Variants in FSTL4 observed in about 807,000 individuals in gnomAD.
FSTL4 encodes the protein follistatin like 4, also known as follistatin-related protein 4.
FSTL4 carries 28 observed loss-of-function variants against 78.2 expected under a neutral mutation model. That is an observed-to-expected ratio of 0.36 (90% CI 0.27 to 0.49). The LOEUF is 0.49. Ranked by LOEUF, FSTL4 falls within the 20% of genes least tolerant of loss-of-function variation. FSTL4 has a pLI of 0.98. For missense variants in FSTL4, 922 were observed against 1,084.9 expected (o/e 0.85, Z 2.11); for synonymous variants, 422 against 440.5 (o/e 0.96, Z 0.53).
chr5:133,253,164 C>T (rs1752301217), intron 6 of FSTL4, among the ~76,000 whole-genome samples: 2 of 152,360 alleles, frequency 1.3e-5, no homozygotes, highest in South Asian at 4.1e-4. Context: ...CACCCTCACT[C>T]CCCGTTATTT....
chr5:133,312,619 G>C, intron 6 of FSTL4, 35 bp downstream of exon 6: 1 of 1,609,518 alleles, frequency 6.2e-7, no homozygotes, highest in Non-Finnish European at 8.5e-7. Flanking sequence ...AGCACCTGCA[G>C]AAATAAGCCC....
At chr5:133,448,339 C>G (rs1016730645) in intron 3 of FSTL4, among the ~76,000 whole-genome samples, 13 of 152,186 alleles carry the variant, frequency 8.5e-5, no homozygotes, top group Non-Finnish European at 1.8e-4. Context: ...AGGCCCAGCA[C>G]CCACACCGTC....
intron 3 of FSTL4, 53 bp downstream of exon 3, chr5:133,567,133 C>T (rs1760042529): frequency 6.8e-6 from 9 of 1,320,296 alleles, no homozygotes; most frequent in South Asian, 1.2e-5. Flanking sequence ...CAGCAAACTA[C>T]TTCAAAAATG....
intron 6 of FSTL4, among the ~76,000 whole-genome samples, chr5:133,305,343 C>T (rs927844606): frequency 2.6e-5 from 4 of 152,190 alleles, no homozygotes; most frequent in Non-Finnish European, 5.9e-5. Context: ...GTTCTGCCTC[C>T]GGGGCCCTAA....
intron 3 of FSTL4, among the ~76,000 whole-genome samples, chr5:133,524,156 G>A (rs1759040803): frequency 6.6e-6 from 1 of 152,184 alleles, no homozygotes; most frequent in African/African-American, 2.4e-5. Context: ...GGGGCAGAAG[G>A]AGGACAGGTC....
chr5:133,816,724 T>C, the FSTL4 span, among the ~76,000 whole-genome samples: 4 of 152,190 alleles, frequency 2.6e-5, no homozygotes, highest in African/African-American at 7.2e-5. Flanking sequence ...TTTGAGGTCA[T>C]TGGCTAATTA....
At chr5:133,569,692 T>A (rs1011930371) in intron 2 of FSTL4, among the ~76,000 whole-genome samples, 15 of 152,182 alleles carry the variant, frequency 9.9e-5, no homozygotes, top group Non-Finnish European at 1.8e-4. Flanking sequence ...ATATGATTTT[T>A]CTCCTTAGTT....
chr5:133,200,045 G>C (rs1177685337), intron 15 of FSTL4, among the ~76,000 whole-genome samples: 1 of 152,188 alleles, frequency 6.6e-6, no homozygotes, highest in Non-Finnish European at 1.5e-5. Flanking sequence ...CTCATCGTTG[G>C]AAATGATTAT....
the FSTL4 span, among the ~76,000 whole-genome samples, chr5:133,670,335 C>T: frequency 2.0e-5 from 3 of 152,218 alleles, no homozygotes; most frequent in African/African-American, 7.2e-5. Context: ...AGAAAACAGG[C>T]TGAGAAAACT....
chr5:133,377,629 A>C (rs1177410608), intron 4 of FSTL4, among the ~76,000 whole-genome samples: 1 of 152,206 alleles, frequency 6.6e-6, no homozygotes, highest in Non-Finnish European at 1.5e-5. Flanking sequence ...ACCAAAAAAA[A>C]AAAATGAACA....
the FSTL4 span, among the ~76,000 whole-genome samples, chr5:133,631,357 T>G: frequency 1.1e-4 from 17 of 150,540 alleles, no homozygotes; most frequent in Non-Finnish European, 2.4e-4. Context: ...TGGACACTAC[T>G]CAAAAGAGGA....
chr5:133,628,490 G>T, the FSTL4 span, among the ~76,000 whole-genome samples: 1 of 152,034 alleles, frequency 6.6e-6, no homozygotes, highest in African/African-American at 2.4e-5. Context: ...CTCCCGAGTA[G>T]CTGGAATTAC....
At chr5:133,313,109 T>A (rs537922693) in intron 5 of FSTL4, among the ~76,000 whole-genome samples, 2 of 152,322 alleles carry the variant, frequency 1.3e-5, no homozygotes, top group South Asian at 2.1e-4. Flanking sequence ...TGCTGTGTGC[T>A]ATAGATGGGG....
intron 3 of FSTL4, among the ~76,000 whole-genome samples, chr5:133,491,527 G>A (rs1422261593): frequency 6.6e-6 from 1 of 151,698 alleles, no homozygotes; most frequent in African/African-American, 2.4e-5. Flanking sequence ...AGCCTCCAGA[G>A]TAGCTGGGAC....
rs757556451 is a variant in FSTL4, at chr5:133,233,427, C to G, written c.1005G>C (p.Leu335=). ...GHEQLFQTHV[L]QVNVPPVIRV... ...GAGCCATTTACTAACCATTCACCTG[C>G]AGGACGTGGGTCTGGAACAGCTGCT... Residue 335 remains leucine (L), a synonymous_variant, in exon 8 of 16, where the codon CTG becomes CTC. Coordinates refer to ENST00000265342, the MANE Select transcript of FSTL4 (RefSeq NM_015082.2). The G allele has an allele frequency of 3.1e-6, 5 of 1,614,182 alleles. No individual in the cohort carries two copies. The South Asian group carries it at 5.5e-5, about 18-fold the overall frequency.
the FSTL4 span, among the ~76,000 whole-genome samples, chr5:133,731,587 T>C: frequency 6.6e-6 from 1 of 152,140 alleles, no homozygotes. Flanking sequence ...GGAAAAAGAC[T>C]AGGTATTTAG....
At chr5:133,830,634 G>C in the FSTL4 span, among the ~76,000 whole-genome samples, 1 of 152,128 alleles carries the variant, frequency 6.6e-6, no homozygotes, top group Non-Finnish European at 1.5e-5. Context: ...TGAAAAAACC[G>C]AGCCTCAGGC....
intron 4 of FSTL4, among the ~76,000 whole-genome samples, chr5:133,395,067 C>T (rs2126965473): frequency 6.6e-6 from 1 of 152,218 alleles, no homozygotes. Context: ...AATCAGCGCT[C>T]TGTAAAACAG....
the FSTL4 span, among the ~76,000 whole-genome samples, chr5:133,622,739 T>A: frequency 9.9e-5 from 15 of 152,198 alleles, no homozygotes; most frequent in African/African-American, 3.4e-4. Flanking sequence ...TATCTCTTCA[T>A]TCTAATTGCA....
Sources: allele counts gnomAD v4.1 joint callset (sites outside exome capture counted in the v4.1 genomes callset), GRCh38; gene constraint gnomAD v4.1.1; transcripts MANE v1.5; gene names NCBI Gene and HGNC (gene_info 2026-07-23, HGNC 2026-07-21).